ARHGAP10: variants seen among roughly 807,000 people sequenced by gnomAD.
ARHGAP10 encodes the protein Rho GTPase activating protein 10.
In ARHGAP10, 87 loss-of-function variants were observed where a neutral mutation model predicts 108.6. The ratio of observed to expected loss-of-function variants is 0.80; its 90% CI spans 0.67 to 0.96. The LOEUF is 0.96. ARHGAP10 is among the 40% of genes least tolerant of loss of function. ARHGAP10 has a pLI of 0.00. For synonymous variants in ARHGAP10, 347 were observed against 341.1 expected, an observed-to-expected ratio of 1.02 and a Z score of -0.19; for missense variants, 939 against 954.5, an observed-to-expected ratio of 0.98 and a Z score of 0.21.
chr4:147,877,908 T>C (rs1426525296), intron 8 of ARHGAP10, among the ~76,000 whole-genome samples: 1 of 150,926 alleles, frequency 6.6e-6, no homozygotes, highest in Non-Finnish European at 1.5e-5. Context: ...ACCTTACTGA[T>C]TACAGTAATG....
Position 147,929,004 on chromosome 4 carries a change from G to A in ARHGAP10, c.1229-10821G>A, listed in dbSNP as rs1021565186. Among the ~76,000 whole-genome samples the A allele has an allele frequency of 2.0e-5, 3 of 152,202 alleles. No individual in the cohort carries two copies. The South Asian group carries it at 6.2e-4, about 32-fold the overall frequency. On this transcript the variant is annotated intron_variant, in intron 13 of 22. Transcript: ENST00000336498. ...TAGGTCACATAGCTAGAAGGTGGCAGAGTTGGAAGTTTTCAGGATGTCAGT... is the reference window on the plus strand; with the variant it reads ...TAGGTCACATAGCTAGAAGGTGGCAAAGTTGGAAGTTTTCAGGATGTCAGT...
chr4:147,737,853 A>G lies in ARHGAP10; in HGVS notation c.154+5398A>G, dbSNP rs181868387. ...ACTCCATTTAGAGTTGTTCCTATTT[A>G]GAGCTTCCCACCAGGCCACCAGCTG... On this transcript the variant is annotated intron_variant, in intron 1 of 22. Transcript: ENST00000336498. Among the ~76,000 whole-genome samples, 187 of 152,294 alleles carry G rather than the reference A, an allele frequency of 1.2e-3. 2 individuals are homozygous for G. Among genetic ancestry groups the G allele is most frequent in the Admixed American group, 0.012 (178 of 15,302 alleles).
In ARHGAP10 at chr4:147,740,191, A is replaced by G. The variant is rs151303695; in HGVS notation, c.154+7736A>G. Among the ~76,000 whole-genome samples, 1,378 of 151,196 alleles carry G rather than the reference A, an allele frequency of 9.1e-3. 15 individuals are homozygous for G. The highest frequency in any genetic ancestry group is 0.015 in the Non-Finnish European group (1,003 of 67,868). ...AGCCTCAGCTGCACACCCTGTAGCT[A>G]GTATTATAGGTGTGTGCCACCAGGC... On this transcript the variant is annotated intron_variant, in intron 1 of 22. Coordinates refer to ENST00000336498, the MANE Select transcript of ARHGAP10 (RefSeq NM_024605.4).
intron 1 of ARHGAP10, among the ~76,000 whole-genome samples, chr4:147,793,102 T>C (rs944753386): frequency 1.3e-5 from 2 of 152,022 alleles, no homozygotes; most frequent in Non-Finnish European, 2.9e-5. Flanking sequence ...ATTGCACCAC[T>C]GCACTCCAGC....
chr4:147,741,647 G>T (rs1035647056), intron 1 of ARHGAP10, among the ~76,000 whole-genome samples: 19 of 152,118 alleles, frequency 1.2e-4, no homozygotes, highest in African/African-American at 4.6e-4. Context: ...TTGCCAGGGG[G>T]ATGCTTTTGT....
chr4:148,048,945 G>A (rs2149681408), intron 20 of ARHGAP10, among the ~76,000 whole-genome samples: 1 of 151,264 alleles, frequency 6.6e-6, no homozygotes, highest in Non-Finnish European at 1.5e-5. Context: ...GTTGAAGCAA[G>A]CCTGGAAAGG....
At chr4:147,820,587 T>TG in intron 1 of ARHGAP10, among the ~76,000 whole-genome samples, 1 of 130,884 alleles carries the variant, frequency 7.6e-6, no homozygotes, top group African/African-American at 2.9e-5. Flanking sequence ...CCAGTTTTTT[T>TG]TTTTTTTTTT....
At chr4:147,777,435 A>G (rs1730346090) in intron 1 of ARHGAP10, among the ~76,000 whole-genome samples, 1 of 151,366 alleles carries the variant, frequency 6.6e-6, no homozygotes, top group African/African-American at 2.4e-5. Context: ...ATTTTTTTGT[A>G]TTTTTTGGGT....
chr4:147,815,181 C>T (rs1171100787), intron 1 of ARHGAP10, among the ~76,000 whole-genome samples: 1 of 152,214 alleles, frequency 6.6e-6, no homozygotes, highest in Non-Finnish European at 1.5e-5. Context: ...CCTTGTCCAC[C>T]TTCAGTCTGC....
intron 7 of ARHGAP10, among the ~76,000 whole-genome samples, chr4:147,871,865 T>C (rs1282886403): frequency 2.0e-5 from 3 of 152,016 alleles, no homozygotes; most frequent in Non-Finnish European, 2.9e-5. Context: ...CTTTGGGACA[T>C]TGAGGCGGGA....
At chr4:147,932,291 A>G (rs974497702) in intron 13 of ARHGAP10, among the ~76,000 whole-genome samples, 1 of 152,210 alleles carries the variant, frequency 6.6e-6, no homozygotes, top group Non-Finnish European at 1.5e-5. Flanking sequence ...TGACCCAGCA[A>G]TTCCATTACT....
intron 4 of ARHGAP10, among the ~76,000 whole-genome samples, chr4:147,850,377 A>G (rs1228575726): frequency 3.9e-5 from 6 of 152,208 alleles, no homozygotes; most frequent in African/African-American, 1.2e-4. Flanking sequence ...ACTGTTTGCA[A>G]TAAATCTGGC....
In ARHGAP10 at chr4:148,017,182, C is replaced by G. The variant is rs72724402; in HGVS notation, c.1717-6081C>G. ...GGACTGAAAGAGAAACCCAGCAATG[C>G]CTGACTGTTCAGATTCTTCTTGGCC... On this transcript the variant is annotated intron_variant, in intron 18 of 22. Transcript: ENST00000336498. Among the ~76,000 whole-genome samples the G allele has an allele frequency of 9.5e-3, 1,449 of 152,164 alleles. 13 individuals are homozygous for G. Among genetic ancestry groups the G allele is most frequent in the Non-Finnish European group, 0.016 (1,106 of 68,018 alleles).
intron 20 of ARHGAP10, among the ~76,000 whole-genome samples, chr4:148,051,443 A>G (rs1729134625): frequency 6.6e-6 from 1 of 152,248 alleles, no homozygotes; most frequent in South Asian, 2.1e-4. Flanking sequence ...ATTCTCTGCC[A>G]CAAAAGAAAA....
At chr4:147,788,333 G>T (rs1730979140) in intron 1 of ARHGAP10, among the ~76,000 whole-genome samples, 1 of 152,080 alleles carries the variant, frequency 6.6e-6, no homozygotes, top group Non-Finnish European at 1.5e-5. Context: ...TGTAATCTCA[G>T]CTACTCAGGA....
Position 147,864,914 on chromosome 4 carries a change from G to A in ARHGAP10, c.555G>A (p.Leu185=), listed in dbSNP as rs1316231512. 6.2e-7 allele frequency: 1 copy of A among 1,614,080 alleles called. No individual in the cohort carries two copies. Among genetic ancestry groups the A allele is most frequent in the Admixed American group, 1.7e-5 (1 of 60,006 alleles). Residue 185 remains leucine (L), a synonymous_variant, in exon 6 of 23, where the codon CTG becomes CTA. Transcript: ENST00000336498. The part of the protein sequence containing the change: ...YELSLEYVCK[L]QEIQERKKFE... Reference sequence around the variant, plus strand: ...TGTCTCTCGAGTATGTGTGTAAGCTGCAGGAAATCCAAGAAAGAAAGAAGT... The same window carrying A: ...TGTCTCTCGAGTATGTGTGTAAGCTACAGGAAATCCAAGAAAGAAAGAAGT...
intron 11 of ARHGAP10, 104 bp downstream of exon 11, chr4:147,906,823 T>A: frequency 7.5e-7 from 1 of 1,325,474 alleles, no homozygotes; most frequent in Non-Finnish European, 1.1e-6. Flanking sequence ...TTCCCTTCTA[T>A]AACAGGTATT....
intron 1 of ARHGAP10, among the ~76,000 whole-genome samples, chr4:147,788,630 T>C (rs1404763098): frequency 6.6e-6 from 1 of 152,312 alleles, no homozygotes; most frequent in South Asian, 2.1e-4. Context: ...TGCTCCTTTT[T>C]ACACATTTGC....
In ARHGAP10 at chr4:148,072,205, T is replaced by C; in HGVS notation, c.*124T>C. On this transcript the variant is annotated 3_prime_UTR_variant, in exon 23 of 23. Transcript: ENST00000336498. ...GTACCTCCACACTTGGGAGTTACCA[T>C]CATCACAGTCAGCCCTGGGGGTGGG... 1 of 469,244 alleles carries C rather than the reference T, an allele frequency of 2.1e-6. No homozygotes were observed. The highest frequency in any genetic ancestry group is 3.7e-6 in the Non-Finnish European group (1 of 273,018). 29.1% of individuals were successfully genotyped at this position (469,244 alleles called of 1,614,324 possible).
Sources: gnomAD v4.1 joint callset for allele counts (sites outside exome capture counted in the v4.1 genomes callset) on GRCh38, gnomAD v4.1.1 for gene constraint, MANE v1.5 for transcripts, NCBI Gene and HGNC (gene_info 2026-07-23, HGNC 2026-07-21) for gene names.